The following GRIK1 variants were observed in gnomAD, a reference collection of about 807,000 sequenced individuals.
GRIK1 encodes glutamate ionotropic receptor kainate type subunit 1, also known as glutamate receptor ionotropic, kainate 1.
Under a neutral mutation model 105.7 loss-of-function variants are expected in GRIK1, and 69 were observed. That is an observed-to-expected ratio of 0.65 (90% CI 0.54 to 0.80). The LOEUF (loss-of-function observed/expected upper bound fraction) is 0.80, where lower values mean the gene tolerates loss of function less well. GRIK1 is among the 30% of genes least tolerant of loss of function. The probability of loss-of-function intolerance (pLI) is 0.00; values close to 1 mark genes in which losing one functional copy is unlikely to be tolerated. For synonymous variants in GRIK1, 438 were observed against 431.3 expected (o/e 1.02, Z -0.19); for missense variants, 1,109 against 1,167.3 (o/e 0.95, Z 0.73).
intron 7 of GRIK1, among the ~76,000 whole-genome samples, chr21:29,640,927 TTTGTTG>T (rs143408617): frequency 1.3e-5 from 2 of 152,076 alleles, no homozygotes; most frequent in African/African-American, 2.4e-5. Context: ...TTGTGATGTC[TTTGTTG>T]TTGTTGTTGT....
intron 7 of GRIK1, among the ~76,000 whole-genome samples, chr21:29,637,598 C>T (rs775410242): frequency 6.6e-6 from 1 of 152,176 alleles, no homozygotes; most frequent in Non-Finnish European, 1.5e-5. Context: ...ATTCCTTGCC[C>T]CTTTCACCAT....
chr21:29,834,954 C>T (rs912005302), intron 1 of GRIK1, among the ~76,000 whole-genome samples: 3 of 151,460 alleles, frequency 2.0e-5, no homozygotes, highest in African/African-American at 4.9e-5. Context: ...TTCTCTTTCT[C>T]TGGTCTTTAG....
chr21:29,630,479 AATAGTTCTTTAATAAAAAGGG>A (rs2062241317), intron 7 of GRIK1: 1 of 471,110 alleles, frequency 2.1e-6, no homozygotes, highest in Non-Finnish European at 4.4e-6. Context: ...ACCTAATCAA[AATAGTTCTTTAATAAAAAGGG>A]ATTTAGAAAA....
At chr21:29,726,301 T>C (rs1181486184) in intron 1 of GRIK1, among the ~76,000 whole-genome samples, 2 of 152,214 alleles carry the variant, frequency 1.3e-5, no homozygotes, top group African/African-American at 2.4e-5. Context: ...AAAAGCACTC[T>C]GGTTTTTTTC....
intron 16 of GRIK1, among the ~76,000 whole-genome samples, chr21:29,541,718 G>GT (rs5843388): frequency 0.72 from 109,069 of 151,272 alleles, 39,662 homozygotes; most frequent in Admixed American, 0.81. Flanking sequence ...TCCCATAGGT[G>GT]TTAAAACATA....
intron 7 of GRIK1, chr21:29,601,077 A>G: frequency 3.5e-6 from 1 of 284,026 alleles, no homozygotes; most frequent in Non-Finnish European, 7.8e-6. Context: ...TGTGTCTGTG[A>G]GGGTGTTTCC....
intron 7 of GRIK1, among the ~76,000 whole-genome samples, chr21:29,607,848 A>C (rs1410032986): frequency 6.6e-6 from 1 of 152,188 alleles, no homozygotes; most frequent in Non-Finnish European, 1.5e-5. Flanking sequence ...GTTTAAAATG[A>C]AGATTTAAAA....
intron 1 of GRIK1, among the ~76,000 whole-genome samples, chr21:29,859,133 G>A (rs957303145): frequency 5.4e-5 from 8 of 146,824 alleles, no homozygotes; most frequent in African/African-American, 1.8e-4. Flanking sequence ...AACACCGCAT[G>A]TTCTCACTCA....
chr21:29,918,925 G>T (rs148313176), intron 1 of GRIK1, among the ~76,000 whole-genome samples: 77 of 152,082 alleles, frequency 5.1e-4, no homozygotes, highest in Middle Eastern at 3.4e-3. Flanking sequence ...GTGACTGTAA[G>T]AGTATTTGGA....
Position 29,689,831 on chromosome 21 carries a change from G to C in GRIK1, c.441C>G (p.Tyr147Ter), listed in dbSNP as rs1169488229. Residue 147 changes from tyrosine to a stop codon, truncating the protein, a stop_gained, in exon 3 of 18, where the codon TAC (tyrosine) becomes TAG (stop). Transcript: ENST00000327783. LOFTEE classifies it high-confidence loss of function. ...CTGCATAATCTGGGTAAAGGTTGAT[G>C]TAAAACAAATCTTTGTTGTCCACCG... is the stretch of plus-strand genomic sequence containing the variant. ...HPSVDNKDLF[Y>*]INLYPDYAAI... 1 of 1,613,956 alleles carries C rather than the reference G, an allele frequency of 6.2e-7. No homozygotes were observed. The highest frequency in any genetic ancestry group is 8.5e-7 in the Non-Finnish European group (1 of 1,179,834).
intron 1 of GRIK1, among the ~76,000 whole-genome samples, chr21:29,786,455 G>C (rs2066264079): frequency 1.3e-5 from 2 of 151,412 alleles, no homozygotes; most frequent in African/African-American, 4.9e-5. Flanking sequence ...CTATCTTTTT[G>C]AGGGCCACCT....
At chr21:29,557,871 C>T (rs1248115213) in intron 15 of GRIK1, among the ~76,000 whole-genome samples, 1 of 152,110 alleles carries the variant, frequency 6.6e-6, no homozygotes, top group East Asian at 1.9e-4. Flanking sequence ...AAGAATGATT[C>T]TTATGTTAGT....
chr21:29,775,244 C>G (rs1257530269), intron 1 of GRIK1, among the ~76,000 whole-genome samples: 3 of 147,642 alleles, frequency 2.0e-5, no homozygotes, highest in African/African-American at 7.6e-5. Flanking sequence ...CCACTGCACT[C>G]CAGCCTGGGC....
chr21:29,768,585 A>G (rs551946761), intron 1 of GRIK1, among the ~76,000 whole-genome samples: 1 of 152,276 alleles, frequency 6.6e-6, no homozygotes, highest in East Asian at 1.9e-4. Context: ...CCATCGGTTA[A>G]GAATGGCACC....
chr21:29,767,635 G>T (rs775027995), intron 1 of GRIK1, among the ~76,000 whole-genome samples: 2 of 152,148 alleles, frequency 1.3e-5, no homozygotes, highest in Non-Finnish European at 2.9e-5. Flanking sequence ...TCTACAGTAG[G>T]AAAGTCTCCA....
At chr21:29,567,022 G>A (rs2090626747) in intron 14 of GRIK1, among the ~76,000 whole-genome samples, 2 of 152,186 alleles carry the variant, frequency 1.3e-5, no homozygotes, top group South Asian at 2.1e-4. Context: ...TATAGCCAGA[G>A]CTGTTGTACT....
In GRIK1 at chr21:29,928,244, A is replaced by T. The variant is rs191592514; in HGVS notation, c.118+11139T>A. ...CCGAAAACTGAAATTTAAAAAGTTT[A>T]TTGTTTTTGTTGCTTCTTTCGTTGC... On this transcript the variant is annotated intron_variant, in intron 1 of 17. Transcript: ENST00000327783. Among the ~76,000 whole-genome samples, 338 of 152,320 alleles carry T rather than the reference A, an allele frequency of 2.2e-3. 2 individuals carry two copies. Among genetic ancestry groups the T allele is most frequent in the African/African-American group, 7.7e-3 (322 of 41,578 alleles).
At chr21:29,794,309 G>T (rs890026171) in intron 1 of GRIK1, among the ~76,000 whole-genome samples, 1 of 152,140 alleles carries the variant, frequency 6.6e-6, no homozygotes, top group Non-Finnish European at 1.5e-5. Flanking sequence ...GGAGAAAAAC[G>T]TATATTTTTA....
At chr21:29,909,963 G>A (rs1169256061) in intron 1 of GRIK1, among the ~76,000 whole-genome samples, 3 of 152,232 alleles carry the variant, frequency 2.0e-5, no homozygotes, top group African/African-American at 7.2e-5. Flanking sequence ...ACAATGGCAA[G>A]CTGAACCCTC....
Sources: gnomAD v4.1 joint callset for allele counts (sites outside exome capture counted in the v4.1 genomes callset) on GRCh38, gnomAD v4.1.1 for gene constraint, MANE v1.5 for transcripts, NCBI Gene and HGNC (gene_info 2026-07-23, HGNC 2026-07-21) for gene names.